TUNAR: variants seen among roughly 807,000 people sequenced by gnomAD.
TUNAR encodes protein TUNAR.
intron 2 of TUNAR, among the ~76,000 whole-genome samples, chr14:95,898,445 T>A (rs1463005384): frequency 6.6e-6 from 1 of 152,226 alleles, no homozygotes; most frequent in Non-Finnish European, 1.5e-5. Flanking sequence ...GAGATTCTAA[T>A]GGAACTGATT....
At chr14:95,881,513 A>G (rs1888977248) in intron 2 of TUNAR, among the ~76,000 whole-genome samples, 1 of 152,246 alleles carries the variant, frequency 6.6e-6, no homozygotes, top group African/African-American at 2.4e-5. Context: ...CAGGATGCCC[A>G]TGAGTTAATC....
intron 2 of TUNAR, among the ~76,000 whole-genome samples, chr14:95,913,250 A>C (rs1284997537): frequency 1.3e-5 from 2 of 151,192 alleles, no homozygotes; most frequent in Non-Finnish European, 2.9e-5. Flanking sequence ...GCACCCATCA[A>C]CCCATCATCA....
chr14:95,905,262 C>T (rs78782004), intron 2 of TUNAR, among the ~76,000 whole-genome samples: 249 of 152,274 alleles, frequency 1.6e-3, no homozygotes, highest in African/African-American at 5.7e-3. Flanking sequence ...AATTGCACAC[C>T]GATTCAGATT....
At chr14:95,890,359 A>T (rs1031983407) in intron 2 of TUNAR, among the ~76,000 whole-genome samples, 1 of 152,268 alleles carries the variant, frequency 6.6e-6, no homozygotes, top group South Asian at 2.1e-4. Context: ...TGGCCAAACA[A>T]TGGTCACCCC....
In TUNAR at chr14:95,895,135, C is replaced by T. The variant is rs766581893; in HGVS notation, c.12+17958C>T. Among the ~76,000 whole-genome samples the T allele has an allele frequency of 1.6e-4, 24 of 152,156 alleles. No homozygotes were observed. The highest frequency in any genetic ancestry group is 2.4e-4 in the Non-Finnish European group (16 of 68,038). On this transcript the variant is annotated intron_variant, in intron 2 of 2. Coordinates refer to ENST00000678517, the Ensembl canonical transcript of TUNAR. This position sits in a 1 kb window ranked among gnomAD's most constrained non-coding sequence, Gnocchi z 4.5. Reference sequence around the variant, plus strand: ...GTGCAGAACCTGCCTTGAAGCTGGACGAGGGTCATACAAGGTGTCCCAGAG... The same window carrying T: ...GTGCAGAACCTGCCTTGAAGCTGGATGAGGGTCATACAAGGTGTCCCAGAG...
chr14:95,900,484 C>T (rs1468403106), intron 2 of TUNAR, among the ~76,000 whole-genome samples: 1 of 149,570 alleles, frequency 6.7e-6, no homozygotes, highest in Non-Finnish European at 1.5e-5. Context: ...CTCACAAGTG[C>T]CAGGCCCATC....
chr14:95,912,822 G>A (rs922264582), intron 2 of TUNAR, among the ~76,000 whole-genome samples: 5 of 150,634 alleles, frequency 3.3e-5, no homozygotes, highest in South Asian at 2.1e-4. Flanking sequence ...AGGGAGTCTC[G>A]CTCTGTCGCC....
chr14:95,877,780 T>G (rs183597175), intron 2 of TUNAR, among the ~76,000 whole-genome samples: 5 of 152,380 alleles, frequency 3.3e-5, no homozygotes, highest in African/African-American at 9.6e-5. Context: ...TGAGTATCTG[T>G]TCTGATGAAA....
intron 2 of TUNAR, among the ~76,000 whole-genome samples, chr14:95,889,135 C>A (rs1302726765): frequency 6.6e-6 from 1 of 152,088 alleles, no homozygotes; most frequent in Non-Finnish European, 1.5e-5. Context: ...TGGGGCAGAC[C>A]ACCTCCCCTC....
At chr14:95,924,583 C>T (rs1397144464) in exon 3 of TUNAR, 1 of 152,266 alleles carries the variant, frequency 6.6e-6, no homozygotes. Flanking sequence ...GAGGAGGCCT[C>T]ACAATTACGG....
At chr14:95,888,035 C>T (rs945850186) in intron 2 of TUNAR, among the ~76,000 whole-genome samples, 1 of 152,202 alleles carries the variant, frequency 6.6e-6, no homozygotes, top group African/African-American at 2.4e-5. Context: ...GGGACATGCA[C>T]CTTTTATTTG....
chr14:95,885,500 G>C (rs1889062391), intron 2 of TUNAR, among the ~76,000 whole-genome samples: 1 of 152,162 alleles, frequency 6.6e-6, no homozygotes, highest in South Asian at 2.1e-4. Flanking sequence ...GAGACGAGAA[G>C]GAATTTCCTG....
intron 2 of TUNAR, among the ~76,000 whole-genome samples, chr14:95,888,275 G>T (rs1460057196): frequency 1.3e-5 from 2 of 152,292 alleles, no homozygotes; most frequent in East Asian, 3.9e-4. Flanking sequence ...AGTCCTTTCC[G>T]TGGACTCTTT....
At chr14:95,890,369 C>T (rs1889159919) in intron 2 of TUNAR, among the ~76,000 whole-genome samples, 1 of 152,200 alleles carries the variant, frequency 6.6e-6, no homozygotes, top group Non-Finnish European at 1.5e-5. Flanking sequence ...ATGGTCACCC[C>T]AGTATGGCAG....
At chr14:95,879,707 G>GT (rs112002523) in intron 2 of TUNAR, among the ~76,000 whole-genome samples, 19,795 of 147,484 alleles carry the variant, frequency 0.13, 1,317 homozygotes, top group Admixed American at 0.18. Context: ...CTTAAATCCA[G>GT]TTTTTTTTTT....
At chr14:95,924,053 CGTTT>C (rs1566794443) in exon 3 of TUNAR, 1 of 152,178 alleles carries the variant, frequency 6.6e-6, no homozygotes, top group East Asian at 1.9e-4. Flanking sequence ...TGTGACCATT[CGTTT>C]ATCAGATTTT....
At chr14:95,889,291 A>C (rs935605304) in intron 2 of TUNAR, among the ~76,000 whole-genome samples, 1 of 152,224 alleles carries the variant, frequency 6.6e-6, no homozygotes, top group African/African-American at 2.4e-5. Flanking sequence ...AGCTGATATA[A>C]AGATGAACAT....
chr14:95,918,641 A>G (rs1466667116), intron 2 of TUNAR, among the ~76,000 whole-genome samples: 1 of 152,176 alleles, frequency 6.6e-6, no homozygotes. Flanking sequence ...TGTTTGCTTC[A>G]GAGTCCTCGG....
chr14:95,894,745 C>G (rs1889233017), intron 2 of TUNAR, among the ~76,000 whole-genome samples: 1 of 152,216 alleles, frequency 6.6e-6, no homozygotes. Flanking sequence ...TCCTTCTCTG[C>G]ATATTGCACA....
Sources: gnomAD v4.1 joint callset for allele counts (sites outside exome capture counted in the v4.1 genomes callset) on GRCh38, gnomAD v4.1.1 for gene constraint, Gnocchi (gnomAD v3.1) non-coding constraint, MANE v1.5 for transcripts, NCBI Gene and HGNC (gene_info 2026-07-23, HGNC 2026-07-21) for gene names.